EPRS1: variants seen among roughly 807,000 people sequenced by gnomAD.
The protein encoded by EPRS1 is glutamyl-prolyl-tRNA synthetase 1.
In EPRS1, 107 loss-of-function variants were observed where a neutral mutation model predicts 188.3. The ratio of observed to expected loss-of-function variants is 0.57; its 90% CI spans 0.49 to 0.67. EPRS1 has a LOEUF of 0.67. Ranked by LOEUF, EPRS1 falls within the 30% of genes least tolerant of loss-of-function variation. The pLI is 0.00. For missense variants in EPRS1, 1,577 were observed against 1,802.2 expected (o/e 0.88, Z 2.26); for synonymous variants, 596 against 593.1 (o/e 1.00, Z -0.07).
rs1661860497 is a variant in EPRS1, at chr1:220,020,827, TATATATATATATATATATA to T, written c.1116-625_1116-607del. 2.5e-3 allele frequency among the ~76,000 whole-genome samples: 6 copies of T among 2,368 alleles called. No individual in the cohort carries two copies. The East Asian group carries it at 0.1, about 39-fold the overall frequency. The allele number at this position is 2,368 out of a possible 152,430, so 1.6% of individuals were successfully genotyped here. ...TACATGCAGTATCAATTTGAATTTA[TATATATATATATATATATA>T]TATATATATATATATATATATATAT... On this transcript the variant is annotated intron_variant, in intron 9 of 31. Transcript: ENST00000366923.
intron 8 of EPRS1, among the ~76,000 whole-genome samples, chr1:220,023,433 G>T (rs1351839342): frequency 6.6e-6 from 1 of 152,142 alleles, no homozygotes; most frequent in Non-Finnish European, 1.5e-5. Context: ...TTTAATTATA[G>T]TGAAGTTCTG....
intron 18 of EPRS1, among the ~76,000 whole-genome samples, 169 bp downstream of exon 18, chr1:219,996,814 T>C (rs1450460778): frequency 6.6e-6 from 1 of 152,202 alleles, no homozygotes; most frequent in Admixed American, 6.5e-5. Context: ...CACTAGATTA[T>C]GAGCTTCTTA....
At chr1:219,986,990 G>T in intron 20 of EPRS1, 152 bp downstream of exon 20, 1 of 805,632 alleles carries the variant, frequency 1.2e-6, no homozygotes, top group Non-Finnish European at 1.9e-6. Context: ...AAAACTAAAT[G>T]GAAAATCAAT....
chr1:220,041,665 A>T (rs1324899787), intron 1 of EPRS1, among the ~76,000 whole-genome samples: 1 of 152,000 alleles, frequency 6.6e-6, no homozygotes, highest in South Asian at 2.1e-4. Context: ...ACATGGAGAA[A>T]CCCCATCTCC....
At chr1:220,007,527 C>T (rs1220305793) in intron 13 of EPRS1, among the ~76,000 whole-genome samples, 189 bp from the exon 14 acceptor site, 1 of 152,198 alleles carries the variant, frequency 6.6e-6, no homozygotes, top group African/African-American at 2.4e-5. Context: ...TTAACATAAA[C>T]ATATTCCCAA....
chr1:219,998,570 G>A (rs1325574168), intron 17 of EPRS1, among the ~76,000 whole-genome samples: 3 of 127,956 alleles, frequency 2.3e-5, no homozygotes, highest in Non-Finnish European at 3.2e-5. Flanking sequence ...TTGAGACAGT[G>A]TCTTGCTCTG....
In EPRS1 at chr1:220,007,265, A is replaced by G. The variant is rs144960962; in HGVS notation, c.1679T>C (p.Phe560Ser). 4 of 1,613,832 alleles carry G rather than the reference A, an allele frequency of 2.5e-6. No individual in the cohort carries two copies. In the African/African-American group the frequency reaches 5.3e-5, roughly 22 times the overall value. The change falls in exon 14 of 32, where the codon TTT becomes TCT. Residue 560 changes from phenylalanine to serine, a missense_variant. This residue lies in a region of EPRS1 where 1,278 missense variants were observed against 1,457.4 expected (regional missense o/e 0.88). Transcript: ENST00000366923. ...VFIEGADAET[F>S]SEGEMVTFIN... ...AAATGTAACCATCTCACCCTCCGAAAAAGTCTCTGCATCAGCACCTTCAAT... is the reference window on the plus strand; with the variant it reads ...AAATGTAACCATCTCACCCTCCGAAGAAGTCTCTGCATCAGCACCTTCAAT...
At position 219,997,231 on chromosome 1, in the gene EPRS1, G is replaced by C. The variant is rs200004369; in HGVS notation, c.2293C>G (p.Arg765Gly). 5 of 1,613,858 alleles carry C rather than the reference G, an allele frequency of 3.1e-6. No homozygotes were observed. Among genetic ancestry groups the C allele is most frequent in the Non-Finnish European group, 4.2e-6 (5 of 1,179,956 alleles). The change falls in exon 18 of 32, where the codon CGT becomes GGT. Residue 765 changes from arginine to glycine, a missense_variant. Transcript: ENST00000366923. ...GGTGCTTTCTTGGCTTTTAATTCAC[G>C]AACCACATCTCCTTGAACAGCCACT... ...NRVAVQGDVV[R>G]ELKAKKAPKE... is the part of the protein sequence containing the mutation.
chr1:220,046,320 G>T, intron 1 of EPRS1, 23 bp downstream of exon 1: 1 of 1,614,018 alleles, frequency 6.2e-7, no homozygotes, highest in Non-Finnish European at 8.5e-7. Context: ...AACCCACACA[G>T]GTCATTGGTC....
chr1:220,032,524 T>C lies in EPRS1; in HGVS notation c.391A>G (p.Asn131Asp). Reference sequence around the variant, plus strand: ...TTCAACTGTTCTTGCCAGGCAGCATTTCCTATGAGCAAAGATAATTTTAAA... The same window carrying C: ...TTCAACTGTTCTTGCCAGGCAGCATCTCCTATGAGCAAAGATAATTTTAAA... ...DLCVWATLKG[N>D]AAWQEQLKQK... The change falls in exon 5 of 32, where the codon AAT becomes GAT. Residue 131 changes from asparagine to aspartate, a missense_variant and splice_region_variant. Around this residue, in one of 3 missense-constraint regions of EPRS1, gnomAD observed 1,278 missense variants for 1,457.4 expected, o/e 0.88. Transcript: ENST00000366923. The C allele has an allele frequency of 6.2e-7, 1 of 1,612,928 alleles. No homozygotes were observed. The highest frequency in any genetic ancestry group is 8.5e-7 in the Non-Finnish European group (1 of 1,179,696).
chr1:219,993,409 T>C (rs1661162498), intron 18 of EPRS1, among the ~76,000 whole-genome samples: 1 of 152,170 alleles, frequency 6.6e-6, no homozygotes, highest in South Asian at 2.1e-4. Flanking sequence ...ATGGTAGACT[T>C]GATGGACTTC....
intron 9 of EPRS1, among the ~76,000 whole-genome samples, chr1:220,021,409 C>T (rs1008115737): frequency 3.3e-5 from 5 of 151,664 alleles, no homozygotes; most frequent in Admixed American, 6.6e-5. Flanking sequence ...ATGTTTCCCA[C>T]GCTGGTTTCA....
At chr1:220,046,080 C>T (rs113375881) in intron 1 of EPRS1, among the ~76,000 whole-genome samples, 1,580 of 152,272 alleles carry the variant, frequency 0.01, 44 homozygotes, top group African/African-American at 0.036. Context: ...AGATCCGAAG[C>T]GGAGTCTCGT....
At chr1:219,987,991 G>C (rs955442653) in intron 19 of EPRS1, among the ~76,000 whole-genome samples, 1 of 152,052 alleles carries the variant, frequency 6.6e-6, no homozygotes, top group African/African-American at 2.4e-5. Flanking sequence ...TATTCCATAG[G>C]AATCTAAGTT....
intron 1 of EPRS1, among the ~76,000 whole-genome samples, chr1:220,045,666 C>A (rs886253997): frequency 1.3e-5 from 2 of 152,136 alleles, no homozygotes; most frequent in Non-Finnish European, 2.9e-5. Context: ...GGTGACAGAT[C>A]CAATGTTTAC....
At chr1:220,002,901 A>G (rs1266427272) in intron 16 of EPRS1, among the ~76,000 whole-genome samples, 1 of 152,218 alleles carries the variant, frequency 6.6e-6, no homozygotes, top group Non-Finnish European at 1.5e-5. Flanking sequence ...GCAATAATCT[A>G]TTGCCACTTT....
chr1:219,999,076 C>G (rs781142588), intron 17 of EPRS1, among the ~76,000 whole-genome samples: 6 of 151,872 alleles, frequency 4.0e-5, no homozygotes, highest in Non-Finnish European at 7.4e-5. Flanking sequence ...ACCCAAAAAC[C>G]TTTCATATAA....
chr1:220,013,553 A>G (rs1296869942), intron 12 of EPRS1, among the ~76,000 whole-genome samples: 1 of 152,126 alleles, frequency 6.6e-6, no homozygotes, highest in African/African-American at 2.4e-5. Flanking sequence ...AGAGTAGGAG[A>G]ATGTCCAAAG....
At chr1:219,990,459 A>G (rs1396229883) in intron 18 of EPRS1, among the ~76,000 whole-genome samples, 1 of 152,192 alleles carries the variant, frequency 6.6e-6, no homozygotes, top group African/African-American at 2.4e-5. Flanking sequence ...CAGACACTAC[A>G]CTAAGTGCTT....
Sources: gnomAD v4.1 joint callset for allele counts (sites outside exome capture counted in the v4.1 genomes callset) on GRCh38, gnomAD v4.1.1 for gene constraint, gnomAD v4.1.1 regional missense constraint, MANE v1.5 for transcripts, NCBI Gene and HGNC (gene_info 2026-07-23, HGNC 2026-07-21) for gene names.